ISY1: variants seen among roughly 807,000 people sequenced by gnomAD.
ISY1 encodes ISY1 spliceosome associated protein.
ISY1 carries 12 observed loss-of-function variants against 54.4 expected under a neutral mutation model. The observed-to-expected ratio is 0.22, with a 90% CI of 0.14 to 0.36. ISY1 has a LOEUF of 0.36. ISY1 is among the 10% of genes least tolerant of loss of function. The pLI, the probability that ISY1 is intolerant of heterozygous loss-of-function variation, is 1.00. For synonymous variants in ISY1, 96 were observed against 117.9 expected, an observed-to-expected ratio of 0.81 and a Z score of 1.20; for missense variants, 282 against 342.2, an observed-to-expected ratio of 0.82 and a Z score of 1.39.
rs1333238319 is a variant in ISY1, at chr3:129,161,022, GA to G, written c.-48del. The stretch of plus-strand genomic sequence containing the variant: ...CTGGAGCCCCGCGGCCCCTGTCCAA[GA>G]AACTCCACAGGCCCAGAAGACGCCG... On this transcript the variant is annotated 5_prime_UTR_variant, in exon 1 of 11. Transcript: ENST00000393295. 2 of 1,495,538 alleles carry G rather than the reference GA, an allele frequency of 1.3e-6. No individual in the cohort carries two copies. Among genetic ancestry groups the G allele is most frequent in the African/African-American group, 2.8e-5 (2 of 70,804 alleles). 92.6% of individuals were successfully genotyped at this position (1,495,538 alleles called of 1,614,324 possible).
chr3:129,157,876 T>C (rs541374641), intron 3 of ISY1, among the ~76,000 whole-genome samples: 4 of 151,828 alleles, frequency 2.6e-5, no homozygotes, highest in Admixed American at 2.0e-4. Flanking sequence ...AGATAAGAAA[T>C]AGGAAATTCT....
At chr3:129,135,931 T>G (rs893572187) in intron 7 of ISY1, among the ~76,000 whole-genome samples, 1 of 152,088 alleles carries the variant, frequency 6.6e-6, no homozygotes, top group Non-Finnish European at 1.5e-5. Context: ...GTAATGCTAT[T>G]TCACAAAGTA....
chr3:129,154,065 A>G (rs913796611), intron 5 of ISY1, among the ~76,000 whole-genome samples: 1 of 151,642 alleles, frequency 6.6e-6, no homozygotes, highest in Admixed American at 6.6e-5. Flanking sequence ...ACACGGTGAA[A>G]CCCCATCTCT....
chr3:129,159,654 C>T (rs546317425), intron 1 of ISY1, among the ~76,000 whole-genome samples: 1 of 152,284 alleles, frequency 6.6e-6, no homozygotes, highest in East Asian at 1.9e-4. Context: ...ACTCAATTAT[C>T]CCTGAAACAC....
At chr3:129,134,249 C>T (rs552004967) in intron 8 of ISY1, 54 bp from the exon 9 acceptor site, 3 of 1,611,352 alleles carry the variant, frequency 1.9e-6, no homozygotes, top group Admixed American at 1.7e-5. Flanking sequence ...GAGCTTTCAA[C>T]ACTATGCAGG....
chr3:129,159,118 C>G, intron 2 of ISY1, 36 bp downstream of exon 2: 3 of 1,601,990 alleles, frequency 1.9e-6, no homozygotes, highest in Non-Finnish European at 2.5e-6. Flanking sequence ...TTTTAAGTTA[C>G]AAAAAATTTA....
chr3:129,141,521 G>A (rs746152666), intron 6 of ISY1, among the ~76,000 whole-genome samples: 1 of 151,598 alleles, frequency 6.6e-6, no homozygotes, highest in Non-Finnish European at 1.5e-5. Flanking sequence ...TTGGGAGGCC[G>A]AGGTGGGCGG....
At chr3:129,143,449 T>G (rs1178906516) in intron 6 of ISY1, among the ~76,000 whole-genome samples, 1 of 148,822 alleles carries the variant, frequency 6.7e-6, no homozygotes, top group Non-Finnish European at 1.5e-5. Context: ...GAGGTTGCAG[T>G]GAGCCAAGAT....
chr3:129,154,333 T>C lies in ISY1; in HGVS notation c.187+2300A>G, dbSNP rs368192859. ...GGGAGGCTGAGGCAGGAGAAATTGC[T>C]TGAACCCAGGGAGGTGAACCCAGGG... On this transcript the variant is annotated intron_variant, in intron 5 of 10. Coordinates refer to ENST00000393295, the MANE Select transcript of ISY1 (RefSeq NM_020701.4). Among the ~76,000 whole-genome samples, 210 of 148,232 alleles carry C rather than the reference T, an allele frequency of 1.4e-3. 1 individual carries two copies. The highest frequency in any genetic ancestry group is 6.9e-3 in the Middle Eastern group (2 of 290).
chr3:129,140,897 T>G (rs1039450644), intron 6 of ISY1, among the ~76,000 whole-genome samples: 12 of 150,878 alleles, frequency 8.0e-5, no homozygotes, highest in Admixed American at 6.6e-5. Flanking sequence ...ACTATTTCCA[T>G]GTTTGCAAAT....
At chr3:129,150,820 T>C (rs750735006) in intron 5 of ISY1, among the ~76,000 whole-genome samples, 2 of 152,080 alleles carry the variant, frequency 1.3e-5, no homozygotes, top group African/African-American at 2.4e-5. Flanking sequence ...TCAATGTTAG[T>C]ATATAAAAAT....
chr3:129,159,236 C>T (rs1409039045), intron 1 of ISY1, 60 bp from the exon 2 acceptor site: 1 of 1,575,712 alleles, frequency 6.3e-7, no homozygotes, highest in East Asian at 2.2e-5. Flanking sequence ...TTTTCTTGCC[C>T]TTTACTTTTT....
Position 129,159,193 on chromosome 3 carries a change from G to A in ISY1, c.4-17C>T. On this transcript the variant is annotated splice_polypyrimidine_tract_variant and intron_variant, in intron 1 of 10. Coordinates refer to ENST00000393295, the MANE Select transcript of ISY1 (RefSeq NM_020701.4). The stretch of plus-strand genomic sequence containing the variant: ...ATTTCGGGCCTGGAAAGAGAGAAAA[G>A]AGAAGAAAAATGTCCATGTTTAAAA... 1 of 1,595,432 alleles carries A rather than the reference G, an allele frequency of 6.3e-7. No individual in the cohort carries two copies. Among genetic ancestry groups the A allele is most frequent in the Non-Finnish European group, 8.5e-7 (1 of 1,175,920 alleles).
At chr3:129,151,616 G>A (rs1339065597) in intron 5 of ISY1, among the ~76,000 whole-genome samples, 2 of 152,030 alleles carry the variant, frequency 1.3e-5, no homozygotes, top group Admixed American at 6.6e-5. Context: ...GTGACAGAGC[G>A]AGACTCCATC....
intron 1 of ISY1, 85 bp from the exon 2 acceptor site, chr3:129,159,261 C>G (rs1485142428): frequency 6.5e-7 from 1 of 1,539,190 alleles, no homozygotes; most frequent in Non-Finnish European, 8.8e-7. Flanking sequence ...AAAAGTTTTA[C>G]AAGAATACAA....
At chr3:129,160,918 G>GGCCCGGGGGGGGGGGCCCC in intron 1 of ISY1, 55 bp downstream of exon 1, 1 of 666,128 alleles carries the variant, frequency 1.5e-6, no homozygotes, top group Non-Finnish European at 2.7e-6. Context: ...TGGACTGGGC[G>GGCCCGGGGGGGGGGGCCCC]CCCCCCCGCC....
rs542816151 is a variant in ISY1 at position 129,128,530 on chromosome 3, T to G, written c.*1551A>C. 7.2e-5 allele frequency: 11 copies of G among 152,690 alleles called. No individual in the cohort carries two copies. The highest frequency in any genetic ancestry group is 1.5e-4 in the Non-Finnish European group (10 of 68,310). 9.5% of individuals were successfully genotyped at this position (152,690 alleles called of 1,614,324 possible). A position where few individuals can be genotyped will look rare whatever the true frequency, so the allele number is the denominator to read the frequency against. ...AGTCCCTTAGCCACTAGCTCCCGACTCCCTCACTCAGACCTTTTCCACAGT... is the reference window on the plus strand; with the variant it reads ...AGTCCCTTAGCCACTAGCTCCCGACGCCCTCACTCAGACCTTTTCCACAGT... On this transcript the variant is annotated 3_prime_UTR_variant, in exon 11 of 11. Transcript: ENST00000393295.
chr3:129,149,021 C>T (rs895310568), intron 5 of ISY1, among the ~76,000 whole-genome samples: 4 of 152,136 alleles, frequency 2.6e-5, no homozygotes, highest in South Asian at 2.1e-4. Context: ...ACTGACCAAA[C>T]CAGACATAGT....
intron 6 of ISY1, among the ~76,000 whole-genome samples, chr3:129,141,893 A>T (rs1166866196): frequency 6.6e-6 from 1 of 152,132 alleles, no homozygotes; most frequent in Non-Finnish European, 1.5e-5. Flanking sequence ...TATCCAGAAG[A>T]TACAACTATA....
Sources: allele counts gnomAD v4.1 joint callset (sites outside exome capture counted in the v4.1 genomes callset), GRCh38; gene constraint gnomAD v4.1.1; transcripts MANE v1.5; gene names NCBI Gene and HGNC (gene_info 2026-07-23, HGNC 2026-07-21).